The following ARFGEF1 variants were observed in gnomAD, a reference collection of about 807,000 sequenced individuals.
ARFGEF1 encodes the protein brefeldin A-inhibited guanine nucleotide-exchange protein 1.
In ARFGEF1, 42 loss-of-function variants were observed where a neutral mutation model predicts 231.0. That is an observed-to-expected ratio of 0.18 (90% CI 0.14 to 0.24). The LOEUF (loss-of-function observed/expected upper bound fraction) is 0.24, where lower values mean the gene tolerates loss of function less well. ARFGEF1 is among the 10% of genes least tolerant of loss of function. ARFGEF1 has a pLI of 1.00. For synonymous variants in ARFGEF1, 710 were observed against 732.3 expected (o/e 0.97, Z 0.49); for missense variants, 1,345 against 2,192.0 (o/e 0.61, Z 7.72).
At chr8:67,306,011 ATTCT>A (rs558870390) in intron 1 of ARFGEF1, among the ~76,000 whole-genome samples, 437 of 152,332 alleles carry the variant, frequency 2.9e-3, no homozygotes, top group Non-Finnish European at 4.4e-3. Flanking sequence ...CAGACAGAAG[ATTCT>A]TTCTTACTAC....
Position 67,248,370 on chromosome 8 carries a change from A to T in ARFGEF1, c.2850+2929T>A, listed in dbSNP as rs1840169771. On this transcript the variant is annotated intron_variant, in intron 19 of 38. Transcript: ENST00000262215. ...TGAATTCATTTTTGACAAAGGAACC[A>T]AGAACATACATTGGGAGAAAGGACA... Among the ~76,000 whole-genome samples the T allele has an allele frequency of 2.0e-5, 3 of 150,454 alleles. No individual in the cohort carries two copies. The South Asian group carries it at 6.3e-4, about 31-fold the overall frequency.
chr8:67,343,657 G>T lies in ARFGEF1; in HGVS notation c.-370C>A. 1 of 1,000,048 alleles carries T rather than the reference G, an allele frequency of 1.0e-6. No individual in the cohort carries two copies. Among genetic ancestry groups the T allele is most frequent in the Non-Finnish European group, 1.2e-6 (1 of 835,510 alleles). 61.9% of individuals were successfully genotyped at this position (1,000,048 alleles called of 1,614,324 possible). A position where few individuals can be genotyped will look rare whatever the true frequency, so the allele number is the denominator to read the frequency against. The stretch of plus-strand genomic sequence containing the variant: ...GCCGGGAACTGAGGGACGAGGTGGC[G>T]GCGGCTCTCAGAGGCACCGCGAGAG... On this transcript the variant is annotated 5_prime_UTR_variant, in exon 1 of 39. Transcript: ENST00000262215.
At chr8:67,311,555 G>A (rs1277327352) in intron 1 of ARFGEF1, among the ~76,000 whole-genome samples, 2 of 147,058 alleles carry the variant, frequency 1.4e-5, no homozygotes, top group Admixed American at 6.7e-5. Flanking sequence ...CCCAGTCTGG[G>A]AGGGAGATGG....
intron 4 of ARFGEF1, among the ~76,000 whole-genome samples, chr8:67,298,461 T>C (rs1042570471): frequency 5.8e-4 from 89 of 152,278 alleles, no homozygotes; most frequent in African/African-American, 1.9e-3. Context: ...ATCAGGAGAA[T>C]TGGCGGATAA....
At chr8:67,279,130 A>T (rs867778020) in intron 7 of ARFGEF1, among the ~76,000 whole-genome samples, 3 of 152,202 alleles carry the variant, frequency 2.0e-5, no homozygotes, top group African/African-American at 7.2e-5. Flanking sequence ...AAGAATTTAC[A>T]TATGTAAAGA....
intron 1 of ARFGEF1, among the ~76,000 whole-genome samples, chr8:67,341,835 A>C (rs1050105991): frequency 1.3e-5 from 2 of 152,206 alleles, no homozygotes; most frequent in Non-Finnish European, 2.9e-5. Flanking sequence ...CAAAAATAAC[A>C]AAATGCAAAC....
At chr8:67,315,148 C>CA (rs1359828746) in intron 1 of ARFGEF1, among the ~76,000 whole-genome samples, 2 of 151,944 alleles carry the variant, frequency 1.3e-5, no homozygotes, top group East Asian at 1.9e-4. Flanking sequence ...GAACTGAAAA[C>CA]AAAAAATGAC....
intron 31 of ARFGEF1, 25 bp downstream of exon 31, chr8:67,217,978 T>C (rs371586821): frequency 5.0e-6 from 8 of 1,612,094 alleles, no homozygotes; most frequent in Non-Finnish European, 5.9e-6. Flanking sequence ...TAACACTTTG[T>C]GTCACATATC....
intron 19 of ARFGEF1, among the ~76,000 whole-genome samples, chr8:67,243,179 C>G (rs1839983738): frequency 6.6e-6 from 1 of 152,182 alleles, no homozygotes; most frequent in African/African-American, 2.4e-5. Flanking sequence ...GCAAGTAACC[C>G]ACCGTTACTG....
intron 5 of ARFGEF1, chr8:67,179,972 C>A (rs760517203): frequency 1.9e-6 from 2 of 1,053,730 alleles, no homozygotes; most frequent in South Asian, 1.3e-5. Flanking sequence ...AAATATTAAA[C>A]CTTTCTCCAC....
chr8:67,185,863 A>T (rs1405083470), intron 5 of ARFGEF1, among the ~76,000 whole-genome samples: 1 of 152,244 alleles, frequency 6.6e-6, no homozygotes, highest in Non-Finnish European at 1.5e-5. Flanking sequence ...ACTCAAAAGC[A>T]TCATCAACAC....
At chr8:67,201,915 C>T (rs537627479) in intron 36 of ARFGEF1, 12 of 323,554 alleles carry the variant, frequency 3.7e-5, no homozygotes, top group Non-Finnish European at 6.3e-5. Flanking sequence ...CTCAGATAAA[C>T]AGGGGCAACC....
intron 7 of ARFGEF1, among the ~76,000 whole-genome samples, chr8:67,278,973 A>C (rs985434666): frequency 4.6e-5 from 7 of 152,160 alleles, no homozygotes; most frequent in Non-Finnish European, 8.8e-5. Flanking sequence ...CATATGTAGA[A>C]AATGCATAGG....
chr8:67,313,814 CT>C (rs1807181716), intron 1 of ARFGEF1, among the ~76,000 whole-genome samples: 1 of 152,120 alleles, frequency 6.6e-6, no homozygotes, highest in African/African-American at 2.4e-5. Flanking sequence ...AGACAGGGCC[CT>C]AGAACTCCCA....
intron 33 of ARFGEF1, 73 bp from the exon 34 acceptor site, chr8:67,211,688 T>C: frequency 1.1e-6 from 1 of 943,880 alleles, no homozygotes. Flanking sequence ...TCTAAAACGC[T>C]ATTTTAAAAA....
At position 67,251,480 on chromosome 8, in the gene ARFGEF1, A is replaced by C. The variant is rs770947260; in HGVS notation, c.2699-30T>G. 3.9e-6 allele frequency: 6 copies of C among 1,532,056 alleles called. No individual in the cohort carries two copies. In the Admixed American group the frequency reaches 1.3e-4, roughly 33 times the overall value. 94.9% of individuals were successfully genotyped at this position (1,532,056 alleles called of 1,614,324 possible). ...AACAATAAACACTATCAGCATTTTA[A>C]ATATAAAACATTTAAGAATTCTATT... On this transcript the variant is annotated intron_variant, in intron 18 of 38. Coordinates refer to ENST00000262215, the MANE Select transcript of ARFGEF1 (RefSeq NM_006421.5).
intron 32 of ARFGEF1, 142 bp downstream of exon 32, chr8:67,217,639 TA>T: frequency 2.3e-6 from 2 of 883,630 alleles, no homozygotes; most frequent in Non-Finnish European, 3.4e-6. Context: ...GTAATAAATC[TA>T]AATCCATGTA....
chr8:67,217,608 T>C (rs533611892), intron 32 of ARFGEF1, among the ~76,000 whole-genome samples, 174 bp downstream of exon 32: 1 of 152,218 alleles, frequency 6.6e-6, no homozygotes, highest in Non-Finnish European at 1.5e-5. Context: ...GTATTTGTTA[T>C]AGTTTATAGC....
chr8:67,222,196 TATATATATACACACAC>T (rs1563846393), intron 29 of ARFGEF1, among the ~76,000 whole-genome samples: 1 of 141,234 alleles, frequency 7.1e-6, no homozygotes, highest in Non-Finnish European at 1.5e-5. Context: ...TATATATATA[TATATATATACACACAC>T]ATATATATAT....
Sources: allele counts gnomAD v4.1 joint callset (sites outside exome capture counted in the v4.1 genomes callset), GRCh38; gene constraint gnomAD v4.1.1; transcripts MANE v1.5; gene names NCBI Gene and HGNC (gene_info 2026-07-23, HGNC 2026-07-21).